The following FER1L6 variants were observed in gnomAD, a reference collection of about 807,000 sequenced individuals.
FER1L6 encodes fer-1 like family member 6, also known as fer-1-like protein 6.
FER1L6 carries 177 observed loss-of-function variants against 219.2 expected under a neutral mutation model. The observed-to-expected ratio is 0.81, with a 90% CI of 0.71 to 0.91. FER1L6 has a LOEUF of 0.91. Ranked by LOEUF, FER1L6 falls within the 40% of genes least tolerant of loss-of-function variation. The probability of loss-of-function intolerance (pLI) is 0.00; values close to 1 mark genes in which losing one functional copy is unlikely to be tolerated. For synonymous variants in FER1L6, 768 were observed against 824.3 expected, an observed-to-expected ratio of 0.93 and a Z score of 1.17; for missense variants, 2,153 against 2,259.9, an observed-to-expected ratio of 0.95 and a Z score of 0.96.
intron 2 of FER1L6, among the ~76,000 whole-genome samples, chr8:123,962,442 G>C (rs1815331859): frequency 6.6e-6 from 1 of 152,010 alleles, no homozygotes; most frequent in African/African-American, 2.4e-5. Flanking sequence ...AGCTTTGCCT[G>C]TCATGACTTT....
At chr8:124,038,376 C>T (rs1819312965) in intron 19 of FER1L6, among the ~76,000 whole-genome samples, 1 of 152,238 alleles carries the variant, frequency 6.6e-6, no homozygotes, top group Non-Finnish European at 1.5e-5. Flanking sequence ...TCTCCTATCT[C>T]ACTAAGCACT....
intron 5 of FER1L6, 150 bp from the exon 6 acceptor site, chr8:123,969,885 A>AAAAAAAC: frequency 1.9e-6 from 1 of 531,212 alleles, no homozygotes; most frequent in Non-Finnish European, 3.4e-6. Flanking sequence ...AAAAAAAAAA[A>AAAAAAAC]AGAGAATTGA....
intron 1 of FER1L6, among the ~76,000 whole-genome samples, chr8:123,934,316 A>G (rs10107414): frequency 0.07 from 10,628 of 152,114 alleles, 1,113 homozygotes; most frequent in African/African-American, 0.23. Flanking sequence ...AAGGGAATTT[A>G]TGTCTTTGGT....
In FER1L6 at chr8:123,966,069, A is replaced by G; in HGVS notation, c.252+8A>G. 2 of 1,613,728 alleles carry G rather than the reference A, an allele frequency of 1.2e-6. No homozygotes were observed. The highest frequency in any genetic ancestry group is 2.2e-5 in the South Asian group (2 of 90,986). On this transcript the variant is annotated splice_region_variant and intron_variant, in intron 4 of 40. Coordinates refer to ENST00000522917, the MANE Select transcript of FER1L6 (RefSeq NM_001039112.2). The stretch of plus-strand genomic sequence containing the variant: ...AGATCCCAAAATTATCAAGTAAGTG[A>G]TTGGCTCTTCCTGCCCAGCCTCCCC...
At chr8:123,919,910 C>A (rs1270729403) in intron 1 of FER1L6, among the ~76,000 whole-genome samples, 1 of 152,100 alleles carries the variant, frequency 6.6e-6, no homozygotes, top group Non-Finnish European at 1.5e-5. Context: ...AGCAGGTGGC[C>A]AAGAACCTTT....
intron 25 of FER1L6, among the ~76,000 whole-genome samples, chr8:124,062,431 C>T (rs1004331292): frequency 6.6e-6 from 1 of 152,146 alleles, no homozygotes; most frequent in East Asian, 1.9e-4. Context: ...TATCCACTGT[C>T]CTCCTTATTC....
In FER1L6 at chr8:124,118,840, G is replaced by T; in HGVS notation, c.5290-4G>T. ...GAAACAAAAGGTTTTGCATCTTTTTGCAGGGCAAGGTTGAAGCTGAGTTCC... is the reference window on the plus strand; with the variant it reads ...GAAACAAAAGGTTTTGCATCTTTTTTCAGGGCAAGGTTGAAGCTGAGTTCC... On this transcript the variant is annotated splice_region_variant and splice_polypyrimidine_tract_variant and intron_variant, in intron 39 of 40. Coordinates refer to ENST00000522917, the MANE Select transcript of FER1L6 (RefSeq NM_001039112.2). The T allele has an allele frequency of 1.9e-6, 3 of 1,613,292 alleles. No individual in the cohort carries two copies. Among genetic ancestry groups the T allele is most frequent in the Admixed American group, 3.3e-5 (2 of 59,862 alleles).
chr8:124,091,684 T>C, intron 34 of FER1L6, 101 bp downstream of exon 34: 1 of 1,306,378 alleles, frequency 7.7e-7, no homozygotes, highest in Non-Finnish European at 1.1e-6. Flanking sequence ...AAAAGTAATG[T>C]GGCCAGGCAC....
intron 18 of FER1L6, among the ~76,000 whole-genome samples, chr8:124,029,107 T>A (rs546492232): frequency 6.6e-6 from 1 of 152,318 alleles, no homozygotes; most frequent in Admixed American, 6.5e-5. Context: ...AAGGACATGA[T>A]CTCATTCTTT....
intron 12 of FER1L6, among the ~76,000 whole-genome samples, chr8:123,998,912 C>G (rs1327139833): frequency 6.6e-6 from 1 of 152,164 alleles, no homozygotes; most frequent in Non-Finnish European, 1.5e-5. Context: ...GCTCTTTAGT[C>G]TGCTTATGAT....
chr8:124,072,815 G>A (rs1821132837), intron 31 of FER1L6, among the ~76,000 whole-genome samples: 1 of 152,190 alleles, frequency 6.6e-6, no homozygotes, highest in African/African-American at 2.4e-5. Context: ...GGATGCCTCA[G>A]GATGCTTTAG....
Position 124,094,966 on chromosome 8 carries a change from C to T in FER1L6, c.4623C>T (p.Val1541=), listed in dbSNP as rs6470220. ...VLHSWEDIPE[V]GCRLVPEHIE... ...ACTCTTGGGAGGATATCCCGGAAGT[C>T]GGGTGTAGGCTGGTTCCTGAACACA... Residue 1541 remains valine, a synonymous_variant, in exon 35 of 41, where the codon GTC becomes GTT. Coordinates refer to ENST00000522917, the MANE Select transcript of FER1L6 (RefSeq NM_001039112.2). The T allele has an allele frequency of 0.84, 1,348,298 of 1,613,326 alleles. 565,686 individuals are homozygous for T. The highest frequency in any genetic ancestry group is 0.85 in the Non-Finnish European group (1,007,340 of 1,179,734).
chr8:123,932,292 A>G (rs2129926674), intron 1 of FER1L6, among the ~76,000 whole-genome samples: 1 of 152,064 alleles, frequency 6.6e-6, no homozygotes, highest in East Asian at 1.9e-4. Context: ...TGTTTTTAGT[A>G]GAGACAGGGT....
chr8:123,967,386 C>A (rs1157209748), intron 5 of FER1L6, among the ~76,000 whole-genome samples: 1 of 152,170 alleles, frequency 6.6e-6, no homozygotes, highest in African/African-American at 2.4e-5. Flanking sequence ...TCCCATTTTG[C>A]CTTCCTGGCT....
intron 11 of FER1L6, chr8:123,984,229 T>G (rs1816454348): frequency 6.6e-6 from 1 of 152,190 alleles, no homozygotes; most frequent in African/African-American, 2.4e-5. Context: ...TGATGGTGGT[T>G]ATTTCACAGG....
At chr8:123,968,487 G>GT (rs917456431) in intron 5 of FER1L6, among the ~76,000 whole-genome samples, 64 of 152,192 alleles carry the variant, frequency 4.2e-4, no homozygotes, top group African/African-American at 1.3e-3. Flanking sequence ...ATGTGAGGCA[G>GT]TTGAGTCTGA....
rs186893890 is a variant in FER1L6 at position 124,048,546 on chromosome 8, T to G, written c.2725-1061T>G. 2.8e-4 allele frequency among the ~76,000 whole-genome samples: 42 copies of G among 152,328 alleles called. No homozygotes were observed. In the East Asian group the frequency reaches 7.9e-3, roughly 29 times the overall value. On this transcript the variant is annotated intron_variant, in intron 21 of 40. Transcript: ENST00000522917. Reference sequence around the variant, plus strand: ...TTCTTATAGAAACATATGGCCTACATACATACATACAAAAATATTTTAATA... The same window carrying G: ...TTCTTATAGAAACATATGGCCTACAGACATACATACAAAAATATTTTAATA...
intron 21 of FER1L6, among the ~76,000 whole-genome samples, chr8:124,049,258 G>C (rs946216661): frequency 6.6e-6 from 1 of 152,146 alleles, no homozygotes; most frequent in Non-Finnish European, 1.5e-5. Context: ...ATGTTGGCCA[G>C]GATGGGCTTG....
chr8:124,094,212 G>A (rs1586329079), intron 34 of FER1L6, among the ~76,000 whole-genome samples: 1 of 152,006 alleles, frequency 6.6e-6, no homozygotes, highest in East Asian at 1.9e-4. Flanking sequence ...GATTTTCCAG[G>A]TCCTCTCACA....
Sources: allele counts gnomAD v4.1 joint callset (sites outside exome capture counted in the v4.1 genomes callset), GRCh38; gene constraint gnomAD v4.1.1; transcripts MANE v1.5; gene names NCBI Gene and HGNC (gene_info 2026-07-23, HGNC 2026-07-21).